MED12L: variants seen among roughly 807,000 people sequenced by gnomAD.
The protein encoded by MED12L is mediator complex subunit 12L.
Under a neutral mutation model 281.3 loss-of-function variants are expected in MED12L, and 60 were observed. The observed-to-expected ratio is 0.21, with a 90% confidence interval of 0.17 to 0.26. MED12L has a LOEUF of 0.26. MED12L is among the 10% of genes least tolerant of loss of function. The probability of loss-of-function intolerance (pLI) is 1.00; values close to 1 mark genes in which losing one functional copy is unlikely to be tolerated. For missense variants in MED12L, 2,146 were observed against 2,680.9 expected (o/e 0.80, Z 4.41); for synonymous variants, 974 against 987.2 (o/e 0.99, Z 0.25).
chr3:151,425,595 A>G, intron 43 of MED12L: 1 of 453,972 alleles, frequency 2.2e-6, no homozygotes, highest in Middle Eastern at 4.2e-4. Flanking sequence ...TCTGTGTTTA[A>G]TTCAGCAAAC....
intron 12 of MED12L, 154 bp from the exon 13 acceptor site, chr3:151,188,200 C>T: frequency 1.9e-6 from 1 of 517,398 alleles, no homozygotes; most frequent in Non-Finnish European, 3.3e-6. Flanking sequence ...TTATATTCAC[C>T]TGAGGTGCAT....
At chr3:151,110,782 T>C (rs1711755972) in intron 2 of MED12L, among the ~76,000 whole-genome samples, 1 of 152,100 alleles carries the variant, frequency 6.6e-6, no homozygotes, top group South Asian at 2.1e-4. Context: ...GTGTGTAGCT[T>C]TGCATTTGTG....
chr3:151,389,299 C>T (rs540604398), intron 37 of MED12L, among the ~76,000 whole-genome samples: 11 of 152,322 alleles, frequency 7.2e-5, no homozygotes, highest in African/African-American at 2.4e-4. Context: ...GTCCCCTCTT[C>T]CTCTATTCTT....
chr3:151,106,297 TTCCTTTTCCTTC>T (rs1358298491), intron 2 of MED12L, among the ~76,000 whole-genome samples: 3 of 106,050 alleles, frequency 2.8e-5, no homozygotes, highest in African/African-American at 1.4e-4. Flanking sequence ...CCTTTTCCTT[TTCCTTTTCCTTC>T]TCCCCTCCCC....
chr3:151,270,196 C>CGTATGT (rs1553764759), intron 16 of MED12L: 1 of 129,646 alleles, frequency 7.7e-6, no homozygotes, highest in Admixed American at 8.7e-5. Context: ...AGCAAGCTGT[C>CGTATGT]GTGTGTGTGT....
intron 43 of MED12L, 27 bp from the exon 44 acceptor site, chr3:151,430,272 C>A (rs768748640): frequency 6.2e-7 from 1 of 1,613,650 alleles, no homozygotes. Flanking sequence ...GGAATGATTT[C>A]TGTCCTTTCT....
At chr3:151,305,892 T>C (rs1164906924) in intron 16 of MED12L, among the ~76,000 whole-genome samples, 2 of 152,112 alleles carry the variant, frequency 1.3e-5, no homozygotes, top group Admixed American at 1.3e-4. Flanking sequence ...AATCCAGATT[T>C]GGAACCCATT....
intron 44 of MED12L, 42 bp downstream of exon 44, chr3:151,430,422 A>G (rs1317696889): frequency 3.1e-6 from 5 of 1,608,372 alleles, no homozygotes. Flanking sequence ...GCTCCCGGAA[A>G]ATTAAAAATA....
chr3:151,301,271 T>A (rs1745883409), intron 16 of MED12L, among the ~76,000 whole-genome samples: 1 of 152,226 alleles, frequency 6.6e-6, no homozygotes, highest in East Asian at 1.9e-4. Flanking sequence ...TTTATAATAA[T>A]GATCTTTGGA....
intron 43 of MED12L, 70 bp downstream of exon 43, chr3:151,416,492 C>T: frequency 6.6e-7 from 1 of 1,515,808 alleles, no homozygotes; most frequent in Middle Eastern, 1.7e-4. Context: ...TGTTCATGTT[C>T]ATAAGATTGT....
chr3:151,309,116 C>T (rs1747101994), intron 16 of MED12L, among the ~76,000 whole-genome samples: 1 of 115,460 alleles, frequency 8.7e-6, no homozygotes, highest in South Asian at 2.8e-4. Flanking sequence ...TCATGAAATA[C>T]ACGCACACAC....
chr3:151,388,306 C>G (rs1713738897), intron 37 of MED12L, 134 bp downstream of exon 37: 2 of 1,050,102 alleles, frequency 1.9e-6, no homozygotes, highest in East Asian at 2.6e-5. Context: ...TAACAGGTTT[C>G]TGCATTAACT....
At chr3:151,335,044 C>G (rs558606011) in intron 16 of MED12L, among the ~76,000 whole-genome samples, 1 of 152,208 alleles carries the variant, frequency 6.6e-6, no homozygotes, top group South Asian at 2.1e-4. Flanking sequence ...AAGGGGTACA[C>G]GTGATATTTC....
chr3:151,290,638 T>G (rs892529629), intron 16 of MED12L, among the ~76,000 whole-genome samples: 1 of 46,414 alleles, frequency 2.2e-5, no homozygotes, highest in South Asian at 8.0e-4. Flanking sequence ...AGCCTTGTTT[T>G]TTTTTTTTTT....
At chr3:151,128,179 G>C (rs1387524612) in intron 5 of MED12L, among the ~76,000 whole-genome samples, 195 bp downstream of exon 5, 1 of 152,178 alleles carries the variant, frequency 6.6e-6, no homozygotes, top group Non-Finnish European at 1.5e-5. Context: ...AGCAAGGGCT[G>C]TTGATCTTAC....
chr3:151,424,422 C>T (rs1718620772), intron 43 of MED12L, among the ~76,000 whole-genome samples: 1 of 152,052 alleles, frequency 6.6e-6, no homozygotes. Context: ...AGATTGAGAC[C>T]ATCCTGGCTA....
intron 11 of MED12L, among the ~76,000 whole-genome samples, chr3:151,170,095 C>G (rs1721233809): frequency 1.3e-5 from 2 of 152,138 alleles, no homozygotes; most frequent in Admixed American, 6.5e-5. Context: ...TTGGTGAAAG[C>G]CTGTTGAAAA....
intron 16 of MED12L, among the ~76,000 whole-genome samples, chr3:151,253,341 C>T (rs1335041383): frequency 2.6e-5 from 4 of 152,170 alleles, no homozygotes; most frequent in Admixed American, 6.5e-5. Context: ...CCGCTCTTAC[C>T]CCTCACTCCA....
chr3:151,122,886 G>T lies in MED12L; in HGVS notation c.308G>T (p.Trp103Leu). 6.2e-7 allele frequency: 1 copy of T among 1,612,690 alleles called. No homozygotes were observed. The highest frequency in any genetic ancestry group is 2.2e-5 in the East Asian group (1 of 44,832). ...KPQVNAKDNYWLVTARSQSAI... is the reference protein window; with the variant it reads ...KPQVNAKDNYLLVTARSQSAI... The stretch of plus-strand genomic sequence containing the variant: ...CAAGTTAATGCTAAAGATAATTATT[G>T]GCTGGTTACTGCTCGATCCCAGAGT... Residue 103 changes from tryptophan to leucine, a missense_variant, in exon 4 of 45, where the codon TGG (tryptophan) becomes TTG (leucine). By Grantham distance (61) the Trp-to-Leu change is moderately conservative. Transcript: ENST00000687756.
Sources: gnomAD v4.1 joint callset for allele counts (sites outside exome capture counted in the v4.1 genomes callset) on GRCh38, gnomAD v4.1.1 for gene constraint, MANE v1.5 for transcripts, NCBI Gene and HGNC (gene_info 2026-07-23, HGNC 2026-07-21) for gene names.